PAK4: variants seen among roughly 807,000 people sequenced by gnomAD.
PAK4 encodes serine/threonine-protein kinase PAK 4.
PAK4 carries 49 observed loss-of-function variants against 53.5 expected under a neutral mutation model. That is an observed-to-expected ratio of 0.92 (90% CI 0.73 to 1.16). The LOEUF is 1.16. PAK4 is among the 50% of genes most tolerant of loss of function. The pLI, the probability that PAK4 is intolerant of heterozygous loss-of-function variation, is 0.00. For synonymous variants in PAK4, 376 were observed against 375.6 expected (o/e 1.00, Z -0.01); for missense variants, 824 against 850.7 (o/e 0.97, Z 0.39).
rs12327665 is a variant in PAK4, at chr19:39,132,000, G to A, written c.-23+6081G>A. ...GCTTGGTAAATGTTGAACTTGGTGCGTTCGATGGTTTCCGTCCCTTGCACC... is the reference window on the plus strand; with the variant it reads ...GCTTGGTAAATGTTGAACTTGGTGCATTCGATGGTTTCCGTCCCTTGCACC... On this transcript the variant is annotated intron_variant, in intron 1 of 8. Coordinates refer to ENST00000358301, the Ensembl canonical transcript of PAK4. Among the ~76,000 whole-genome samples the A allele has an allele frequency of 3.9e-4, 59 of 152,114 alleles. 1 individual carries two copies. In the East Asian group the frequency reaches 5.8e-3, roughly 15 times the overall value.
At chr19:39,149,418 C>G (rs1431668069) in intron 1 of PAK4, among the ~76,000 whole-genome samples, 1 of 152,178 alleles carries the variant, frequency 6.6e-6, no homozygotes, top group African/African-American at 2.4e-5. Context: ...TATGATTCCA[C>G]TTGTACGAAG....
intron 7 of PAK4, 63 bp downstream of exon 8, chr19:39,176,778 C>T: frequency 6.3e-7 from 1 of 1,578,420 alleles, no homozygotes; most frequent in Non-Finnish European, 8.6e-7. Flanking sequence ...TTTCCAGCTG[C>T]AGCGCTGGCG....
In PAK4 at chr19:39,178,288, A is replaced by G. The variant is rs758119787; in HGVS notation, c.1621-136A>G. The stretch of plus-strand genomic sequence containing the variant: ...GTCCCGTCTACACCCCAAGATCTAG[A>G]CACCCATGACCTCCGCCCCCTGCCC... On this transcript the variant is annotated intron_variant, in intron 8 of 8. Transcript: ENST00000358301. The surrounding 1 kb of genome is among the most constrained non-coding windows in gnomAD (Gnocchi z 4.4). The G allele has an allele frequency of 2.7e-5, 22 of 813,974 alleles. No individual in the cohort carries two copies. Among genetic ancestry groups the G allele is most frequent in the Non-Finnish European group, 4.0e-5 (21 of 529,482 alleles). 50.4% of individuals were successfully genotyped at this position (813,974 alleles called of 1,614,324 possible).
intron 1 of PAK4, among the ~76,000 whole-genome samples, chr19:39,130,831 A>G (rs2073695630): frequency 6.7e-6 from 1 of 148,986 alleles, no homozygotes; most frequent in African/African-American, 2.5e-5. Context: ...CTTTAGTGAC[A>G]TCTGGTTTTC....
At chr19:39,155,975 C>T (rs554623512) in intron 1 of PAK4, among the ~76,000 whole-genome samples, 5 of 152,322 alleles carry the variant, frequency 3.3e-5, no homozygotes, top group East Asian at 3.9e-4. Flanking sequence ...CCTGGTGAGG[C>T]GGCGCCAGCA....
intron 1 of PAK4, among the ~76,000 whole-genome samples, chr19:39,164,627 G>A (rs1434610312): frequency 6.6e-6 from 1 of 152,110 alleles, no homozygotes; most frequent in African/African-American, 2.4e-5. Context: ...CTCAGGCCAC[G>A]AGGAGGCATT....
At chr19:39,174,589 C>T (rs2074563485) in intron 4 of PAK4, among the ~76,000 whole-genome samples, 1 of 152,118 alleles carries the variant, frequency 6.6e-6, no homozygotes, top group African/African-American at 2.4e-5. Flanking sequence ...GCCTGGGTTC[C>T]TCATCCTCCC....
At position 39,169,772 on chromosome 19, in the gene PAK4, C is replaced by T. The variant is rs1371857307; in HGVS notation, c.204+15C>T. On this transcript the variant is annotated intron_variant, in intron 2 of 8. Transcript: ENST00000358301. ...GGGCCCCCAAGGTATGTGGCACCCACCACCACCTCCCCCAGCCCACCCCAA... is the reference window on the plus strand; with the variant it reads ...GGGCCCCCAAGGTATGTGGCACCCATCACCACCTCCCCCAGCCCACCCCAA... 5 of 1,571,284 alleles carry T rather than the reference C, an allele frequency of 3.2e-6. No individual in the cohort carries two copies. The highest frequency in any genetic ancestry group is 1.1e-5 in the South Asian group (1 of 88,638).
chr19:39,146,230 A>G (rs1475926007), intron 1 of PAK4, among the ~76,000 whole-genome samples: 1 of 152,258 alleles, frequency 6.6e-6, no homozygotes, highest in Non-Finnish European at 1.5e-5. Flanking sequence ...GGTACTAGGC[A>G]GTGACAAACC....
chr19:39,149,132 T>G (rs1233151417), intron 1 of PAK4, among the ~76,000 whole-genome samples: 1 of 152,198 alleles, frequency 6.6e-6, no homozygotes, highest in Admixed American at 6.5e-5. Flanking sequence ...GACCCAGCAA[T>G]TCCGCTCCCA....
At position 39,177,812 on chromosome 19, in the gene PAK4, A is replaced by G. The variant is rs772026284; in HGVS notation, c.1620+3A>G. 17 of 1,606,218 alleles carry G rather than the reference A, an allele frequency of 1.1e-5. No homozygotes were observed. In the Admixed American group the frequency reaches 2.5e-4, roughly 24 times the overall value. On this transcript the variant is annotated splice_donor_region_variant and intron_variant, in intron 8 of 8. Coordinates refer to ENST00000358301, the Ensembl canonical transcript of PAK4. ...CCCGACTGAAGAACCTGCACAAGGT[A>G]GGCCCCTCCCTGGCTGGGAAACTGT... is the stretch of plus-strand genomic sequence containing the variant.
chr19:39,179,539 G>A (rs1356706636), downstream of PAK4: 2 of 152,030 alleles, frequency 1.3e-5, no homozygotes, highest in Non-Finnish European at 2.9e-5. Flanking sequence ...TGGGGAGTGG[G>A]GAGTTCAGGT....
chr19:39,142,036 A>G (rs1055228879), intron 1 of PAK4, among the ~76,000 whole-genome samples: 4 of 152,024 alleles, frequency 2.6e-5, no homozygotes, highest in African/African-American at 9.7e-5. Context: ...AGTGCAGTGG[A>G]GCGATCAGAG....
rs566879912 is a variant in PAK4, at chr19:39,144,238, G to A, written c.-23+18319G>A. ...CTTTGGTCCTGGTCAGACTTGCCAC[G>A]GAATCCCAGTTCTGATACACTCGCC... On this transcript the variant is annotated intron_variant, in intron 1 of 8. Coordinates refer to ENST00000358301, the Ensembl canonical transcript of PAK4. 9.4e-4 allele frequency among the ~76,000 whole-genome samples: 143 copies of A among 152,208 alleles called. 1 individual carries two copies. The highest frequency in any genetic ancestry group is 3.4e-3 in the Middle Eastern group (1 of 294).
At chr19:39,176,174 G>A (rs2074600515) in intron 6 of PAK4, among the ~76,000 whole-genome samples, 2 of 152,224 alleles carry the variant, frequency 1.3e-5, no homozygotes, top group African/African-American at 4.8e-5. Flanking sequence ...CGCAAAGGCA[G>A]GCTGTGTCCC....
chr19:39,181,907 G>A (rs2074703858), downstream of PAK4: 1 of 136,500 alleles, frequency 7.3e-6, no homozygotes, highest in African/African-American at 2.5e-5. Flanking sequence ...GGTCAGACCA[G>A]CGGTTCTCAC....
chr19:39,140,592 G>A (rs919731133), intron 1 of PAK4, among the ~76,000 whole-genome samples: 12 of 152,206 alleles, frequency 7.9e-5, no homozygotes, highest in African/African-American at 2.7e-4. Flanking sequence ...CTAGAAAGGC[G>A]AATATTACAT....
intron 1 of PAK4, among the ~76,000 whole-genome samples, chr19:39,159,942 G>A (rs2074256955): frequency 6.6e-6 from 1 of 152,182 alleles, no homozygotes; most frequent in African/African-American, 2.4e-5. Context: ...CCATTGTGGG[G>A]GCTCATGGAT....
chr19:39,173,168 G>T lies in PAK4; in HGVS notation c.455G>T (p.Arg152Leu). The T allele has an allele frequency of 6.5e-7, 1 of 1,540,634 alleles. No individual in the cohort carries two copies. Among genetic ancestry groups the T allele is most frequent in the South Asian group, 1.2e-5 (1 of 83,148 alleles). ...GCGGGTGGCGGCAGTGGTGACAGGC[G>T]ACGGGCGGGGCCAGAGAAGAGGCCC... The change falls in exon 3 of 9, where the codon CGA becomes CTA. Residue 152 changes from arginine to leucine, a missense_variant. Physicochemically the swap from Arg to Leu is moderately radical, Grantham distance 102. This residue lies in a region of PAK4 where 478 missense variants were observed against 435.8 expected (regional missense o/e 1.10). Transcript: ENST00000358301. This position sits in a 1 kb window ranked among gnomAD's most constrained non-coding sequence, Gnocchi z 6.9.
Sources: gnomAD v4.1 joint callset for allele counts (sites outside exome capture counted in the v4.1 genomes callset) on GRCh38, gnomAD v4.1.1 for gene constraint, gnomAD v4.1.1 regional missense constraint, Gnocchi (gnomAD v3.1) non-coding constraint, MANE v1.5 for transcripts, NCBI Gene and HGNC (gene_info 2026-07-23, HGNC 2026-07-21) for gene names.